The following RAP1GAP2 variants were observed in gnomAD, a reference collection of about 807,000 sequenced individuals.
The protein encoded by RAP1GAP2 is rap1 GTPase-activating protein 2.
Under a neutral mutation model 95.0 loss-of-function variants are expected in RAP1GAP2, and 27 were observed. The ratio of observed to expected loss-of-function variants is 0.28; its 90% CI spans 0.21 to 0.39. The LOEUF is 0.39. RAP1GAP2 is among the 10% of genes least tolerant of loss of function. The pLI is 1.00. For missense variants in RAP1GAP2, 771 were observed against 970.0 expected (o/e 0.79, Z 2.72); for synonymous variants, 373 against 380.9 (o/e 0.98, Z 0.24).
intron 2 of RAP1GAP2, among the ~76,000 whole-genome samples, chr17:2,829,373 C>T (rs1176167320): frequency 2.6e-5 from 4 of 152,126 alleles, no homozygotes; most frequent in Non-Finnish European, 5.9e-5. Flanking sequence ...GCCTACCCTT[C>T]CTTCCCGTGG....
At chr17:2,858,416 T>G (rs1358893225) in intron 2 of RAP1GAP2, among the ~76,000 whole-genome samples, 1 of 152,148 alleles carries the variant, frequency 6.6e-6, no homozygotes, top group Non-Finnish European at 1.5e-5. Context: ...AAAAAAATTT[T>G]GTTGTGAAAA....
At chr17:2,791,908 G>A (rs1031817945), upstream of RAP1GAP2, among the ~76,000 whole-genome samples, 1 of 147,426 alleles carries the variant, frequency 6.8e-6, no homozygotes, top group East Asian at 2.0e-4. Context: ...CACCCAGGCT[G>A]GAGTGCAATG....
In RAP1GAP2 at chr17:2,820,733, ATATTTTATTT is replaced by A. The variant is rs533079111; in HGVS notation, c.80+20195_80+20204del. ...TCATGTTGATTTGAGTGACAGAAGC[ATATTTTATTT>A]TATTTTATTTTGAGACGGAGTCTCA... On this transcript the variant is annotated intron_variant, in intron 2 of 24. Transcript: ENST00000254695. Among the ~76,000 whole-genome samples the A allele has an allele frequency of 2.4e-4, 37 of 151,752 alleles. No homozygotes were observed. In the East Asian group the frequency reaches 6.6e-3, roughly 27 times the overall value.
At chr17:2,787,605 T>TCGC (rs1452013470) in intron 1 of RAP1GAP2, among the ~76,000 whole-genome samples, 8 of 152,144 alleles carry the variant, frequency 5.3e-5, no homozygotes, top group Non-Finnish European at 1.2e-4. Flanking sequence ...TCTTGCTCTG[T>TCGC]CGCCCAGGCT....
intron 3 of RAP1GAP2, among the ~76,000 whole-genome samples, chr17:2,938,806 G>A (rs2043384007): frequency 1.3e-5 from 2 of 151,986 alleles, no homozygotes; most frequent in Admixed American, 6.6e-5. Context: ...GGCCAACGTC[G>A]CAAAACCCCA....
intron 22 of RAP1GAP2, 100 bp from the exon 23 acceptor site, chr17:3,030,822 C>A: frequency 8.8e-7 from 1 of 1,134,924 alleles, no homozygotes; most frequent in Non-Finnish European, 1.3e-6. Context: ...TGGTGGAGGG[C>A]AGGAGGCCCC....
At chr17:2,958,238 G>A (rs2151474790) in intron 4 of RAP1GAP2, among the ~76,000 whole-genome samples, 1 of 152,274 alleles carries the variant, frequency 6.6e-6, no homozygotes, top group Non-Finnish European at 1.5e-5. Flanking sequence ...TTCCTTTCCT[G>A]TGCTAAGCCT....
intron 11 of RAP1GAP2, among the ~76,000 whole-genome samples, chr17:2,989,074 C>CA (rs2045660628): frequency 9.2e-6 from 1 of 108,974 alleles, no homozygotes; most frequent in South Asian, 3.5e-4. Context: ...GACTCTGTCT[C>CA]AAAAAACAAA....
At chr17:2,959,123 C>A (rs2044220713) in intron 4 of RAP1GAP2, among the ~76,000 whole-genome samples, 1 of 152,096 alleles carries the variant, frequency 6.6e-6, no homozygotes, top group Non-Finnish European at 1.5e-5. Flanking sequence ...GGGAAGCTGG[C>A]AGGGGGTTTG....
At chr17:2,764,756 G>C (rs932359512) in intron 1 of RAP1GAP2, among the ~76,000 whole-genome samples, 3 of 152,122 alleles carry the variant, frequency 2.0e-5, no homozygotes, top group African/African-American at 7.2e-5. Flanking sequence ...AATAAAAACA[G>C]AGTGAGATTC....
chr17:2,896,170 C>T (rs760424263), intron 2 of RAP1GAP2, among the ~76,000 whole-genome samples: 15 of 152,192 alleles, frequency 9.9e-5, no homozygotes, highest in South Asian at 4.1e-4. Context: ...CATGACCCCA[C>T]AGTCCATGTT....
intron 2 of RAP1GAP2, among the ~76,000 whole-genome samples, chr17:2,850,563 A>G (rs950582694): frequency 1.3e-5 from 2 of 150,496 alleles, no homozygotes; most frequent in African/African-American, 4.9e-5. Flanking sequence ...CCTGGCTAAC[A>G]CGGTGAAACC....
At chr17:3,013,632 C>CTTTTTTTTTT (rs998163717) in intron 17 of RAP1GAP2, among the ~76,000 whole-genome samples, 10 of 78,872 alleles carry the variant, frequency 1.3e-4, no homozygotes, top group East Asian at 3.7e-4. Flanking sequence ...CTTTTCTTTT[C>CTTTTTTTTTT]TTTTTTTTTT....
rs897031370 is a variant in RAP1GAP2 at position 3,029,629 on chromosome 17, T to C, written c.2108-1293T>C. Among the ~76,000 whole-genome samples, 3 of 152,126 alleles carry C rather than the reference T, an allele frequency of 2.0e-5. No homozygotes were observed. The highest frequency in any genetic ancestry group is 6.6e-5 in the Admixed American group (1 of 15,258). On this transcript the variant is annotated intron_variant, in intron 22 of 24. Coordinates refer to ENST00000254695, the MANE Select transcript of RAP1GAP2 (RefSeq NM_015085.5). This position sits in a 1 kb window ranked among gnomAD's most constrained non-coding sequence, Gnocchi z 4.4. ...AGGACTGATAGGTTACACAGAGGTG[T>C]TGTAGCCCTGGGTGGAACTCCTCGA...
At chr17:2,986,011 A>G (rs1215232093) in intron 11 of RAP1GAP2, among the ~76,000 whole-genome samples, 1 of 152,136 alleles carries the variant, frequency 6.6e-6, no homozygotes, top group Non-Finnish European at 1.5e-5. Context: ...ATCATCTAAG[A>G]GCCTAGCATA....
intron 19 of RAP1GAP2, among the ~76,000 whole-genome samples, chr17:3,023,624 A>T (rs528394662): frequency 2.0e-5 from 3 of 152,292 alleles, no homozygotes; most frequent in East Asian, 1.9e-4. Flanking sequence ...GTTTTTAAAA[A>T]TTTTTATTTT....
intron 1 of RAP1GAP2, among the ~76,000 whole-genome samples, chr17:2,763,766 C>T (rs1271834432): frequency 7.4e-5 from 2 of 26,992 alleles, no homozygotes; most frequent in Admixed American, 4.9e-4. Context: ...GGGTGGAGAG[C>T]GGGAGGAGGG....
At chr17:2,831,932 G>A (rs893700071) in intron 2 of RAP1GAP2, among the ~76,000 whole-genome samples, 6 of 151,962 alleles carry the variant, frequency 3.9e-5, no homozygotes, top group South Asian at 4.2e-4. Flanking sequence ...CAGGCTGGGC[G>A]TGGTGGCTCA....
intron 3 of RAP1GAP2, among the ~76,000 whole-genome samples, chr17:2,925,687 C>A (rs2042933243): frequency 6.6e-6 from 1 of 152,224 alleles, no homozygotes; most frequent in Admixed American, 6.5e-5. Context: ...TTGGAAGGTA[C>A]TTCCAGGCCA....
Sources: gnomAD v4.1 joint callset for allele counts (sites outside exome capture counted in the v4.1 genomes callset) on GRCh38, gnomAD v4.1.1 for gene constraint, Gnocchi (gnomAD v3.1) non-coding constraint, MANE v1.5 for transcripts, NCBI Gene and HGNC (gene_info 2026-07-23, HGNC 2026-07-21) for gene names.